MACROD2: variants seen among roughly 807,000 people sequenced by gnomAD.
MACROD2 encodes mono-ADP ribosylhydrolase 2.
In MACROD2, 36 loss-of-function variants were observed where a neutral mutation model predicts 70.4. The ratio of observed to expected loss-of-function variants is 0.51; its 90% CI spans 0.39 to 0.68. The LOEUF (loss-of-function observed/expected upper bound fraction) is 0.68, where lower values mean the gene tolerates loss of function less well. Among genes scored for constraint, MACROD2 ranks in the 30% least tolerant of loss-of-function variants. MACROD2 has a pLI of 0.00. For missense variants in MACROD2, 496 were observed against 538.4 expected, an observed-to-expected ratio of 0.92 and a Z score of 0.78; for synonymous variants, 172 against 178.8, an observed-to-expected ratio of 0.96 and a Z score of 0.30.
chr20:15,910,278 C>A (rs1176999400), intron 10 of MACROD2, among the ~76,000 whole-genome samples: 1 of 152,110 alleles, frequency 6.6e-6, no homozygotes, highest in South Asian at 2.1e-4. Context: ...CTCAGTGGCA[C>A]CAAGCGTTAT....
chr20:14,632,864 A>G (rs1984587348), intron 4 of MACROD2, among the ~76,000 whole-genome samples: 1 of 152,218 alleles, frequency 6.6e-6, no homozygotes, highest in Non-Finnish European at 1.5e-5. Flanking sequence ...CCATTTAGGC[A>G]TATATTGAAA....
At chr20:14,907,368 C>T (rs950599679) in intron 5 of MACROD2, among the ~76,000 whole-genome samples, 2 of 152,176 alleles carry the variant, frequency 1.3e-5, no homozygotes, top group Non-Finnish European at 1.5e-5. Flanking sequence ...AAGTTGCAGT[C>T]TAACATCACC....
intron 5 of MACROD2, among the ~76,000 whole-genome samples, chr20:15,171,053 G>A (rs188104169): frequency 1.8e-4 from 27 of 152,272 alleles, no homozygotes; most frequent in African/African-American, 3.6e-4. Context: ...ACCCTAAGAC[G>A]ACAGCCAGAG....
intron 6 of MACROD2, among the ~76,000 whole-genome samples, chr20:15,292,732 A>G (rs1483961336): frequency 1.3e-5 from 2 of 152,256 alleles, no homozygotes; most frequent in Non-Finnish European, 2.9e-5. Flanking sequence ...ATTATTATAA[A>G]GTATGGTAAG....
chr20:14,651,057 G>C (rs1985653468), intron 4 of MACROD2, among the ~76,000 whole-genome samples: 1 of 152,214 alleles, frequency 6.6e-6, no homozygotes, highest in African/African-American at 2.4e-5. Flanking sequence ...AGAATGTCAA[G>C]AGGGGTTATG....
chr20:14,013,014 T>C (rs1321492807), intron 2 of MACROD2, among the ~76,000 whole-genome samples: 1 of 152,160 alleles, frequency 6.6e-6, no homozygotes, highest in Admixed American at 6.5e-5. Flanking sequence ...TTTTGATAAA[T>C]TTTCATTTTT....
intron 5 of MACROD2, among the ~76,000 whole-genome samples, chr20:14,786,198 G>A (rs1600662385): frequency 7.2e-6 from 1 of 138,142 alleles, no homozygotes; most frequent in East Asian, 2.1e-4. Flanking sequence ...TTCACTCAGA[G>A]AAAGATAGAG....
chr20:14,975,542 A>G (rs139581259), intron 5 of MACROD2, among the ~76,000 whole-genome samples: 1,782 of 152,116 alleles, frequency 0.012, 29 homozygotes, highest in South Asian at 0.04. Context: ...AGATTTGAAC[A>G]TATTGGTCAG....
intron 3 of MACROD2, among the ~76,000 whole-genome samples, chr20:14,146,841 G>A (rs1258709855): frequency 6.6e-6 from 1 of 152,212 alleles, no homozygotes; most frequent in African/African-American, 2.4e-5. Flanking sequence ...TGGCTAAGTA[G>A]AGAATGCTTA....
intron 4 of MACROD2, among the ~76,000 whole-genome samples, chr20:14,584,952 G>T (rs1329133626): frequency 6.6e-6 from 1 of 152,158 alleles, no homozygotes; most frequent in Non-Finnish European, 1.5e-5. Flanking sequence ...AGAATTGTAT[G>T]ATTCTATGAT....
At chr20:15,926,568 A>G (rs2065492525) in intron 10 of MACROD2, among the ~76,000 whole-genome samples, 1 of 152,216 alleles carries the variant, frequency 6.6e-6, no homozygotes, top group South Asian at 2.1e-4. Context: ...TCAGGATAAG[A>G]AGGATGGAGT....
chr20:15,728,583 A>G (rs2050898150), intron 8 of MACROD2, among the ~76,000 whole-genome samples: 1 of 152,182 alleles, frequency 6.6e-6, no homozygotes, highest in African/African-American at 2.4e-5. Context: ...AGAAGACATC[A>G]TTGGTCCATT....
In MACROD2 at chr20:14,746,808, G is replaced by A. The variant is rs531583050; in HGVS notation, c.418+61849G>A. 5.3e-5 allele frequency among the ~76,000 whole-genome samples: 8 copies of A among 152,030 alleles called. No homozygotes were observed. The South Asian group carries it at 6.2e-4, about 12-fold the overall frequency. ...TTTACTAGCTAATGGTATTTTTTTC[G>A]TAAGAGTCACTTGGCTTTGCGGAAT... On this transcript the variant is annotated intron_variant, in intron 5 of 17. Transcript: ENST00000684519.
At chr20:15,738,845 G>A (rs1464186919) in intron 8 of MACROD2, among the ~76,000 whole-genome samples, 3 of 152,070 alleles carry the variant, frequency 2.0e-5, no homozygotes, top group Admixed American at 1.3e-4. Context: ...GTTCTGTCGG[G>A]GAGGAGAGCT....
intron 3 of MACROD2, among the ~76,000 whole-genome samples, chr20:14,238,862 A>G (rs2081902528): frequency 6.6e-6 from 1 of 151,962 alleles, no homozygotes; most frequent in African/African-American, 2.4e-5. Context: ...CCTCGTCTCT[A>G]ATAAAAATAC....
chr20:15,097,060 C>A (rs563805858), intron 5 of MACROD2, among the ~76,000 whole-genome samples: 14 of 152,046 alleles, frequency 9.2e-5, no homozygotes, highest in African/African-American at 2.9e-4. Context: ...GATCTGCCCG[C>A]CTCGGCCTCC....
intron 3 of MACROD2, among the ~76,000 whole-genome samples, chr20:14,290,109 A>C (rs1349946732): frequency 6.6e-6 from 1 of 152,126 alleles, no homozygotes; most frequent in Admixed American, 6.5e-5. Flanking sequence ...TTGGTTTGGC[A>C]GTTACCACCA....
At chr20:15,147,748 A>G (rs402901) in intron 5 of MACROD2, among the ~76,000 whole-genome samples, 89,592 of 151,864 alleles carry the variant, frequency 0.59, 26,560 homozygotes, top group East Asian at 0.65. Flanking sequence ...GAGCAACAAG[A>G]CTGTTTATTT....
At chr20:14,229,228 C>A (rs2081776823) in intron 3 of MACROD2, among the ~76,000 whole-genome samples, 1 of 152,112 alleles carries the variant, frequency 6.6e-6, no homozygotes, top group African/African-American at 2.4e-5. Context: ...GCAAGTGAGA[C>A]TTCATTACAT....
Sources: allele counts gnomAD v4.1 joint callset (sites outside exome capture counted in the v4.1 genomes callset), GRCh38; gene constraint gnomAD v4.1.1; transcripts MANE v1.5; gene names NCBI Gene and HGNC (gene_info 2026-07-23, HGNC 2026-07-21).